Variants in TIMM8B observed in about 807,000 individuals in gnomAD.
TIMM8B encodes the protein mitochondrial import inner membrane translocase subunit Tim8 B.
In TIMM8B, 5 loss-of-function variants were observed where a neutral mutation model predicts 8.5. The ratio of observed to expected loss-of-function variants is 0.59; its 90% CI spans 0.31 to 1.24. The LOEUF is 1.24. TIMM8B is among the 50% of genes most tolerant of loss of function. The probability of loss-of-function intolerance (pLI) is 0.07; values close to 1 mark genes in which losing one functional copy is unlikely to be tolerated. For missense variants in TIMM8B, 104 were observed against 109.2 expected (o/e 0.95, Z 0.21); for synonymous variants, 44 against 39.9 (o/e 1.10, Z -0.39).
At position 112,085,462 on chromosome 11, in the gene TIMM8B, C is replaced by A. The variant is rs1187949862; in HGVS notation, c.85G>T (p.Val29Leu). 3.1e-6 allele frequency: 5 copies of A among 1,610,764 alleles called. No homozygotes were observed. Among genetic ancestry groups the A allele is most frequent in the East Asian group, 4.5e-5 (2 of 44,850 alleles). Residue 29 changes from valine (V) to leucine (L), a missense_variant and splice_region_variant, in exon 2 of 2, where the codon GTG (valine) becomes TTG (leucine). By Grantham distance (32) the Val-to-Leu change is conservative. Coordinates refer to ENST00000504148, the MANE Select transcript of TIMM8B (RefSeq NM_012459.4). ...EQQKAQFTAQ[V>L]HHFMELCWDK... Reference sequence around the variant, plus strand: ...CAACATAACTCCATGAAGTGATGCACCTAAAAGGAAAGAAAAATAGTAACC... The same window carrying A: ...CAACATAACTCCATGAAGTGATGCAACTAAAAGGAAAGAAAAATAGTAACC...
At chr11:112,086,109 AG>A in intron 1 of TIMM8B, 4 of 1,184,844 alleles carry the variant, frequency 3.4e-6, no homozygotes, top group Non-Finnish European at 4.3e-6. Flanking sequence ...AGGCCGCGTT[AG>A]AACCATGTCC....
In TIMM8B at chr11:112,085,348, T is replaced by C. The variant is rs778412691; in HGVS notation, c.199A>G (p.Thr67Ala). 11 of 1,612,912 alleles carry C rather than the reference T, an allele frequency of 6.8e-6. No individual in the cohort carries two copies. In the East Asian group the frequency reaches 2.5e-4, roughly 36 times the overall value. ...SSCVDRFIDT[T>A]LAITSRFAQI... The stretch of plus-strand genomic sequence containing the variant: ...GCAAACCGACTGGTGATGGCAAGAG[T>C]GGTGTCAATGAAGCGGTCTACACAG... Residue 67 changes from threonine (T) to alanine (A), a missense_variant, in exon 2 of 2, where the codon ACT (threonine) becomes GCT (alanine). By Grantham distance (58) the Thr-to-Ala change is moderately conservative. Transcript: ENST00000504148.
intron 1 of TIMM8B, among the ~76,000 whole-genome samples, 176 bp from the exon 2 acceptor site, chr11:112,085,638 C>T (rs929106432): frequency 6.6e-6 from 1 of 152,154 alleles, no homozygotes; most frequent in African/African-American, 2.4e-5. Context: ...TCCAGATCCT[C>T]GTCCCTACAG....
At chr11:112,086,054 G>A (rs1865589871) in intron 1 of TIMM8B, 29 of 1,175,016 alleles carry the variant, frequency 2.5e-5, no homozygotes, top group Non-Finnish European at 3.1e-5. Context: ...TCCCATTTAA[G>A]AGGCGTGATT....
At chr11:112,086,611 C>A in intron 1 of TIMM8B, 29 bp downstream of exon 1, 1 of 1,553,890 alleles carries the variant, frequency 6.4e-7, no homozygotes, top group East Asian at 2.3e-5. Context: ...GTGAAACTTC[C>A]TTTCCCTTCA....
rs376730287 is a variant in TIMM8B at position 112,085,277 on chromosome 11, A to G, written c.*18T>C. 43 of 1,596,944 alleles carry G rather than the reference A, an allele frequency of 2.7e-5. No homozygotes were observed. Among genetic ancestry groups the G allele is most frequent in the Non-Finnish European group, 3.5e-5 (41 of 1,170,652 alleles). The stretch of plus-strand genomic sequence containing the variant: ...TAGTAACAAGTCCTTTGCTTCTGTC[A>G]TTCTCCTGGGGGATGGCCTACTGCC... On this transcript the variant is annotated 3_prime_UTR_variant, in exon 2 of 2. Coordinates refer to ENST00000504148, the MANE Select transcript of TIMM8B (RefSeq NM_012459.4).
intron 1 of TIMM8B, chr11:112,086,185 T>A: frequency 1.8e-6 from 1 of 549,570 alleles, no homozygotes; most frequent in South Asian, 1.5e-5. Flanking sequence ...TCCACCTTCC[T>A]CCGATAATGT....
Position 112,085,320 on chromosome 11 carries a change from T to G in TIMM8B, c.227A>C (p.Gln76Pro). ...CTACTGCCCTCCTTTCTGTACAATC[T>G]GGGCAAACCGACTGGTGATGGCAAG... is the stretch of plus-strand genomic sequence containing the variant. Reference protein sequence around the residue: ...TTLAITSRFAQIVQKGGQ With the variant: ...TTLAITSRFAPIVQKGGQ Residue 76 changes from glutamine to proline, a missense_variant, in exon 2 of 2, where the codon CAG (glutamine) becomes CCG (proline). Transcript: ENST00000504148. The G allele has an allele frequency of 6.2e-7, 1 of 1,612,586 alleles. No individual in the cohort carries two copies. The highest frequency in any genetic ancestry group is 1.3e-5 in the African/African-American group (1 of 75,002).
chr11:112,086,000 G>C (rs1235040043), intron 1 of TIMM8B: 1 of 1,115,710 alleles, frequency 9.0e-7, no homozygotes, highest in African/African-American at 1.6e-5. Context: ...TGGGTACTAA[G>C]AAATCAGTTC....
At position 112,085,480 on chromosome 11, in the gene TIMM8B, T is replaced by C. The variant is rs746270642; in HGVS notation, c.85-18A>G. On this transcript the variant is annotated intron_variant, in intron 1 of 1. Transcript: ENST00000504148. ...TGATGCACCTAAAAGGAAAGAAAAA[T>C]AGTAACCATTGGGGTCTGCAGATAG... The C allele has an allele frequency of 1.2e-6, 2 of 1,606,470 alleles. No homozygotes were observed. Among genetic ancestry groups the C allele is most frequent in the South Asian group, 1.1e-5 (1 of 90,444 alleles).
intron 1 of TIMM8B, chr11:112,086,349 C>A: frequency 1.7e-6 from 1 of 595,034 alleles, no homozygotes; most frequent in Non-Finnish European, 3.1e-6. Context: ...CCAGATCTTT[C>A]GAATGCCAGC....
At chr11:112,086,067 G>A (rs1865590162) in intron 1 of TIMM8B, 3 of 1,185,334 alleles carry the variant, frequency 2.5e-6, no homozygotes, top group South Asian at 1.6e-5. Flanking sequence ...GCGTGATTAT[G>A]TAGTCCAAGG....
At chr11:112,085,493 G>A (rs747741999) in intron 1 of TIMM8B, 31 bp from the exon 2 acceptor site, 5 of 1,586,184 alleles carry the variant, frequency 3.2e-6, no homozygotes, top group Middle Eastern at 1.7e-4. Context: ...TAACCATTGG[G>A]GTCTGCAGAT....
In TIMM8B at chr11:112,086,670, G is replaced by C. The variant is rs548020854; in HGVS notation, c.54C>G (p.Ala18=). 4 of 1,601,894 alleles carry C rather than the reference G, an allele frequency of 2.5e-6. No individual in the cohort carries two copies. Among genetic ancestry groups the C allele is most frequent in the Admixed American group, 1.7e-5 (1 of 59,616 alleles). ...DEAELQRLVA[A]EQQKAQFTAQ... Reference sequence around the variant, plus strand: ...CAGTAAACTGCGCCTTCTGCTGCTCGGCGGCCACCAGGCGCTGCAACTCCG... The same window carrying C: ...CAGTAAACTGCGCCTTCTGCTGCTCCGCGGCCACCAGGCGCTGCAACTCCG... The change falls in exon 1 of 2, where the codon GCC becomes GCG. Residue 18 remains alanine, a synonymous_variant. Transcript: ENST00000504148.
At position 112,086,738 on chromosome 11, in the gene TIMM8B, T is replaced by C. The variant is rs374914791; in HGVS notation, c.-15A>G. 171 of 1,601,442 alleles carry C rather than the reference T, an allele frequency of 1.1e-4. No individual in the cohort carries two copies. Among genetic ancestry groups the C allele is most frequent in the Non-Finnish European group, 1.3e-4 (157 of 1,175,512 alleles). ...AGCTCCGCCATTGTTCGCCTCAGGC[T>C]CGCCACCTTCCGACAGCTGTGTTTG... On this transcript the variant is annotated 5_prime_UTR_variant, in exon 1 of 2. Coordinates refer to ENST00000504148, the MANE Select transcript of TIMM8B (RefSeq NM_012459.4).
Position 112,085,022 on chromosome 11 carries a change from T to C in TIMM8B, c.*273A>G. 3.5e-6 allele frequency: 1 copy of C among 283,620 alleles called. No homozygotes were observed. The highest frequency in any genetic ancestry group is 1.1e-4 in the South Asian group (1 of 8,886). 17.6% of individuals were successfully genotyped at this position (283,620 alleles called of 1,614,324 possible). A position where few individuals can be genotyped will look rare whatever the true frequency, so the allele number is the denominator to read the frequency against. On this transcript the variant is annotated 3_prime_UTR_variant, in exon 2 of 2. Transcript: ENST00000504148. ...CATTTATTTCTAGTGTTCCTGCCAA[T>C]CAGAGATCTCTATATTAAATTCTAA...
chr11:112,086,524 TG>T, intron 1 of TIMM8B, 115 bp downstream of exon 1: 2 of 1,423,760 alleles, frequency 1.4e-6, no homozygotes, highest in Non-Finnish European at 1.9e-6. Context: ...GTGAGGGGAA[TG>T]GGATGCAGCC....
intron 1 of TIMM8B, among the ~76,000 whole-genome samples, chr11:112,085,666 A>G (rs1865580872): frequency 6.6e-6 from 1 of 152,210 alleles, no homozygotes; most frequent in South Asian, 2.1e-4. Flanking sequence ...ATTCTCAGGT[A>G]GGACTAATAA....
At chr11:112,086,513 C>G (rs1396856569) in intron 1 of TIMM8B, 127 bp downstream of exon 1, 2 of 1,382,690 alleles carry the variant, frequency 1.4e-6, no homozygotes, top group Non-Finnish European at 1.9e-6. Context: ...CTTTGTCTTT[C>G]GTGAGGGGAA....
Sources: gnomAD v4.1 joint callset for allele counts (sites outside exome capture counted in the v4.1 genomes callset) on GRCh38, gnomAD v4.1.1 for gene constraint, MANE v1.5 for transcripts, NCBI Gene and HGNC (gene_info 2026-07-23, HGNC 2026-07-21) for gene names.